The following MX2 variants were observed in gnomAD, a reference collection of about 807,000 sequenced individuals.
The protein encoded by MX2 is interferon-induced GTP-binding protein Mx2.
A neutral mutation model predicts 74.0 loss-of-function variants in MX2; 51 were observed. The observed-to-expected ratio is 0.69, with a 90% CI of 0.55 to 0.87. The LOEUF (loss-of-function observed/expected upper bound fraction) is 0.87. MX2 is among the 40% of genes least tolerant of loss of function. The pLI is 0.00. For synonymous variants in MX2, 369 were observed against 339.3 expected, an observed-to-expected ratio of 1.09 and a Z score of -0.96; for missense variants, 832 against 908.7, an observed-to-expected ratio of 0.92 and a Z score of 1.09.
intron 1 of MX2, among the ~76,000 whole-genome samples, chr21:41,367,472 G>A (rs1279552999): frequency 6.6e-6 from 1 of 152,160 alleles, no homozygotes; most frequent in Non-Finnish European, 1.5e-5. Flanking sequence ...GAAAGTGTCT[G>A]ATGCAGAACC....
At position 41,376,969 on chromosome 21, in the gene MX2, C is replaced by G; in HGVS notation, c.63C>G (p.Tyr21Ter). The change falls in exon 2 of 14, where the codon TAC becomes TAG. Residue 21 changes from tyrosine (Y) to a stop codon, truncating the protein, a stop_gained. Coordinates refer to ENST00000330714, the MANE Select transcript of MX2 (RefSeq NM_002463.2). LOFTEE classifies it high-confidence loss of function. ...RRRSQFSSRKYLKKEMNSFQQ... is the reference protein window; with the variant it reads ...RRRSQFSSRK ...GAAGTCAATTTTCTTCTCGAAAATA[C>G]CTGAAAAAAGAAATGAATTCCTTCC... The G allele has an allele frequency of 6.2e-6, 10 of 1,614,066 alleles. 2 individuals carry two copies. In the South Asian group the frequency reaches 1.1e-4, roughly 18 times the overall value.
intron 2 of MX2, 114 bp downstream of exon 2, chr21:41,377,269 C>G: frequency 7.1e-7 from 1 of 1,405,530 alleles, no homozygotes; most frequent in Non-Finnish European, 9.7e-7. Context: ...TCCAGCACAG[C>G]TGATGTCTCC....
At chr21:41,391,972 C>G (rs2145928998) in intron 6 of MX2, among the ~76,000 whole-genome samples, 1 of 152,132 alleles carries the variant, frequency 6.6e-6, no homozygotes, top group East Asian at 1.9e-4. Context: ...TTTTTCTGAT[C>G]CTCTCCCTCC....
intron 5 of MX2, among the ~76,000 whole-genome samples, chr21:41,387,729 C>T (rs1167952653): frequency 6.6e-6 from 1 of 152,220 alleles, no homozygotes; most frequent in Non-Finnish European, 1.5e-5. Flanking sequence ...GCCCAGCTCT[C>T]TCCCCTGAAA....
At chr21:41,393,145 G>GAAAAA (rs71878374) in intron 6 of MX2, among the ~76,000 whole-genome samples, 1 of 120,164 alleles carries the variant, frequency 8.3e-6, no homozygotes, top group Non-Finnish European at 1.9e-5. Context: ...AGAAAGAAAA[G>GAAAAA]AAAAAAAAAA....
At position 41,402,304 on chromosome 21, in the gene MX2, G is replaced by T. The variant is rs1456740258; in HGVS notation, c.1573+176G>T. On this transcript the variant is annotated intron_variant, in intron 11 of 13. Coordinates refer to ENST00000330714, the MANE Select transcript of MX2 (RefSeq NM_002463.2). The surrounding 1 kb of genome is among the most constrained non-coding windows in gnomAD (Gnocchi z 4.5). ...AGCCAGCAGCACTGGCAAGGCCTGAGAGCTGGTCAGAGCTACCGATTCTGC... is the reference window on the plus strand; with the variant it reads ...AGCCAGCAGCACTGGCAAGGCCTGATAGCTGGTCAGAGCTACCGATTCTGC... 2 of 655,316 alleles carry T rather than the reference G, an allele frequency of 3.1e-6. No homozygotes were observed. Among genetic ancestry groups the T allele is most frequent in the Admixed American group, 7.2e-5 (2 of 27,896 alleles). 40.6% of individuals were successfully genotyped at this position (655,316 alleles called of 1,614,324 possible). A position where few individuals can be genotyped will look rare whatever the true frequency, so the allele number is the denominator to read the frequency against.
Position 41,399,286 on chromosome 21 carries a change from A to G in MX2, c.1363A>G (p.Arg455Gly). The change falls in exon 10 of 14, where the codon AGA (arginine) becomes GGA (glycine). Residue 455 changes from arginine to glycine, a missense_variant. By Grantham distance (125) the Arg-to-Gly change is moderately radical. Coordinates refer to ENST00000330714, the MANE Select transcript of MX2 (RefSeq NM_002463.2). ...TGAGACCCGTTTATACAACAAAATCAGAGAGGATTTTAAAAACTGGGTAGG... is the reference window on the plus strand; with the variant it reads ...TGAGACCCGTTTATACAACAAAATCGGAGAGGATTTTAAAAACTGGGTAGG... ...ENETRLYNKI[R>G]EDFKNWVGIL... 1 of 1,614,066 alleles carries G rather than the reference A, an allele frequency of 6.2e-7. No homozygotes were observed. The highest frequency in any genetic ancestry group is 1.1e-5 in the South Asian group (1 of 91,080).
intron 5 of MX2, among the ~76,000 whole-genome samples, chr21:41,383,003 G>A (rs545250085): frequency 2.4e-4 from 36 of 152,304 alleles, no homozygotes; most frequent in African/African-American, 7.2e-4. Context: ...GAGGGCGACC[G>A]GGCAATAAGG....
At chr21:41,373,313 A>AG (rs946442964) in intron 1 of MX2, among the ~76,000 whole-genome samples, 1 of 152,284 alleles carries the variant, frequency 6.6e-6, no homozygotes, top group Non-Finnish European at 1.5e-5. Context: ...GGGTGTGGCA[A>AG]GGGGGGTGTC....
intron 10 of MX2, among the ~76,000 whole-genome samples, chr21:41,400,008 G>A (rs1422295741): frequency 2.6e-5 from 4 of 152,186 alleles, no homozygotes; most frequent in Non-Finnish European, 4.4e-5. Context: ...TGACTCTGGG[G>A]GCCAGCCCCA....
rs796974006 is a variant in MX2 at position 41,409,339 on chromosome 21, G to C, written c.*1106G>C. 6.6e-6 allele frequency: 1 copy of C among 152,208 alleles called. No individual in the cohort carries two copies. Among genetic ancestry groups the C allele is most frequent in the African/African-American group, 2.4e-5 (1 of 41,520 alleles). The allele number at this position is 152,208 out of a possible 1,614,324, so 9.4% of individuals were successfully genotyped here. A position where few individuals can be genotyped will look rare whatever the true frequency, so the allele number is the denominator to read the frequency against. ...TTTCTTTTCTTCTTCATGTTTTCCT[G>C]TATGTTTCAAATGATGAACATATAG... On this transcript the variant is annotated 3_prime_UTR_variant, in exon 14 of 14. Transcript: ENST00000330714.
At chr21:41,376,742 T>G (rs1216633645) in intron 1 of MX2, 94 bp from the exon 2 acceptor site, 8 of 887,736 alleles carry the variant, frequency 9.0e-6, no homozygotes, top group Non-Finnish European at 1.4e-5. Context: ...AGGGGGTAGG[T>G]TGTAGGGTGG....
rs560212474 is a variant in MX2 at position 41,396,622 on chromosome 21, C to T, written c.1070+837C>T. Among the ~76,000 whole-genome samples, 3 of 152,290 alleles carry T rather than the reference C, an allele frequency of 2.0e-5. No homozygotes were observed. The South Asian group carries it at 6.2e-4, about 32-fold the overall frequency. ...CCTCACAAGATTGTGGTTAGGATTACGTAACACGACATACACAAAGGTCTT... is the reference window on the plus strand; with the variant it reads ...CCTCACAAGATTGTGGTTAGGATTATGTAACACGACATACACAAAGGTCTT... On this transcript the variant is annotated intron_variant, in intron 7 of 13. Transcript: ENST00000330714.
At chr21:41,393,616 C>G (rs773207847) in intron 6 of MX2, among the ~76,000 whole-genome samples, 1 of 152,154 alleles carries the variant, frequency 6.6e-6, no homozygotes, top group Non-Finnish European at 1.5e-5. Flanking sequence ...TCTCAGGCCT[C>G]TAAGTATGGA....
intron 7 of MX2, 25 bp downstream of exon 7, chr21:41,395,810 G>T: frequency 6.2e-7 from 1 of 1,611,180 alleles, no homozygotes. Context: ...GAAAGCTCTG[G>T]AATTAGACTC....
At chr21:41,401,946 A>G (rs762641968) in intron 10 of MX2, 24 bp from the exon 11 acceptor site, 6 of 1,607,116 alleles carry the variant, frequency 3.7e-6, no homozygotes, top group South Asian at 2.2e-5. Flanking sequence ...AGAATTCACC[A>G]TGGAGGTCTG....
chr21:41,367,738 C>T (rs752876328), intron 1 of MX2, among the ~76,000 whole-genome samples: 32 of 152,302 alleles, frequency 2.1e-4, no homozygotes, highest in Non-Finnish European at 3.7e-4. Flanking sequence ...TCGAAGTTGA[C>T]AGCAACTCCA....
At chr21:41,398,625 A>G (rs933253183) in intron 8 of MX2, among the ~76,000 whole-genome samples, 4 of 152,202 alleles carry the variant, frequency 2.6e-5, no homozygotes, top group African/African-American at 9.6e-5. Flanking sequence ...TTGAGCCAGG[A>G]AGCACATACT....
rs1486984132 is a variant in MX2 at position 41,366,778 on chromosome 21, C to G, written c.-72+4723C>G. The G allele has an allele frequency of 1.3e-5, 2 of 152,286 alleles. No homozygotes were observed. Among genetic ancestry groups the G allele is most frequent in the African/African-American group, 4.8e-5 (2 of 41,424 alleles). 9.4% of individuals were successfully genotyped at this position (152,286 alleles called of 1,614,324 possible). ...CAGGAACCAGTTCTAGGTTCCTAAC[C>G]TGGTCTGACCCCGGCACCCTGTCCT... On this transcript the variant is annotated intron_variant, in intron 1 of 13. Transcript: ENST00000330714. This position sits in a 1 kb window ranked among gnomAD's most constrained non-coding sequence, Gnocchi z 4.5.
Sources: gnomAD v4.1 joint callset for allele counts (sites outside exome capture counted in the v4.1 genomes callset) on GRCh38, gnomAD v4.1.1 for gene constraint, Gnocchi (gnomAD v3.1) non-coding constraint, MANE v1.5 for transcripts, NCBI Gene and HGNC (gene_info 2026-07-23, HGNC 2026-07-21) for gene names.